Variants in SIGIRR observed in about 807,000 individuals in gnomAD.
SIGIRR encodes the protein single Ig IL-1-related receptor.
SIGIRR carries 41 observed loss-of-function variants against 45.6 expected under a neutral mutation model. The observed-to-expected ratio is 0.90, with a 90% CI of 0.70 to 1.17. SIGIRR has a LOEUF of 1.17. Ranked by LOEUF, SIGIRR falls within the 50% of genes most tolerant of loss-of-function variation. The probability of loss-of-function intolerance (pLI) is 0.00; values close to 1 mark genes in which losing one functional copy is unlikely to be tolerated. For missense variants in SIGIRR, 599 were observed against 539.6 expected, an observed-to-expected ratio of 1.11 and a Z score of -1.09; for synonymous variants, 298 against 239.0, an observed-to-expected ratio of 1.25 and a Z score of -2.28.
In SIGIRR at chr11:407,878, G is replaced by A. The variant is rs1039115731; in HGVS notation, c.420C>T (p.Val140=). Residue 140 remains valine, a synonymous_variant, in exon 5 of 10, where the codon GTC becomes GTT. Coordinates refer to ENST00000431843, the MANE Select transcript of SIGIRR (RefSeq NM_001135054.2). ...AGAGCAGCACGTTGAGACGGCACTT[G>A]ACATAGAGCAGGGCGGCCAGCAGCA... is the stretch of plus-strand genomic sequence containing the variant. ...LALLLAALLY[V]KCRLNVLLWY... is the part of the protein sequence containing the mutation. 6 of 1,612,462 alleles carry A rather than the reference G, an allele frequency of 3.7e-6. No homozygotes were observed. In the African/African-American group the frequency reaches 5.3e-5, roughly 14 times the overall value.
intron 1 of SIGIRR, among the ~76,000 whole-genome samples, chr11:413,282 G>A (rs972474922): frequency 2.0e-5 from 3 of 152,072 alleles, no homozygotes; most frequent in South Asian, 2.1e-4. Context: ...CAGTTTCCTC[G>A]GGAACCGATA....
chr11:416,714 G>A (rs1485893311), upstream of SIGIRR, among the ~76,000 whole-genome samples: 1 of 152,140 alleles, frequency 6.6e-6, no homozygotes, highest in African/African-American at 2.4e-5. This position sits in a 1 kb window ranked among gnomAD's most constrained non-coding sequence, Gnocchi z 9.1. Context: ...CAGGAACGTG[G>A]GTAAAAGGCT....
chr11:407,472 CGA>C lies in SIGIRR; in HGVS notation c.576_577del (p.Arg193GlyfsTer16). ...GTCGTCCAGGAAGAGCTTGTAGCCC[CGA>C]CGCCGCTCCAGCTGCGGCTTTAGGA... On this transcript the variant is annotated frameshift_variant, in exon 6 of 10. Coordinates refer to ENST00000431843, the MANE Select transcript of SIGIRR (RefSeq NM_001135054.2). LOFTEE classifies it high-confidence loss of function. 2 of 1,573,764 alleles carry C rather than the reference CGA, an allele frequency of 1.3e-6. No individual in the cohort carries two copies. The highest frequency in any genetic ancestry group is 1.7e-6 in the Non-Finnish European group (2 of 1,160,438).
chr11:407,508 A>G lies in SIGIRR; in HGVS notation c.542T>C (p.Val181Ala), dbSNP rs778155755. Reference protein sequence around the residue: ...YSDCPEDRKFVNFILKPQLER... With the variant: ...YSDCPEDRKFANFILKPQLER... The stretch of plus-strand genomic sequence containing the variant: ...CAGCTGCGGCTTTAGGATGAAGTTC[A>G]CGAACTTGCGGTCCTCGGGGCAGTC... Residue 181 changes from valine (V) to alanine (A), a missense_variant, in exon 6 of 10, where the codon GTG becomes GCG. Transcript: ENST00000431843. 6.8e-6 allele frequency: 11 copies of G among 1,606,634 alleles called. No individual in the cohort carries two copies. The highest frequency in any genetic ancestry group is 9.3e-6 in the Non-Finnish European group (11 of 1,177,178).
chr11:412,404 C>T (rs1210481243), intron 1 of SIGIRR, among the ~76,000 whole-genome samples: 5 of 17,610 alleles, frequency 2.8e-4, no homozygotes, highest in East Asian at 2.0e-3. Flanking sequence ...TGGATGCAGT[C>T]GGGGGGTGCC....
chr11:409,490 G>T, intron 2 of SIGIRR: 1 of 309,680 alleles, frequency 3.2e-6, no homozygotes, highest in East Asian at 5.8e-5. Context: ...GCCTGAACTT[G>T]TTCATCTTTA....
intron 5 of SIGIRR, 43 bp downstream of exon 5, chr11:407,774 G>A (rs1404643930): frequency 6.2e-7 from 1 of 1,610,006 alleles, no homozygotes; most frequent in African/African-American, 1.3e-5. Context: ...CTCTCAGGGA[G>A]GCCGTGGCGA....
At position 409,988 on chromosome 11, in the gene SIGIRR, C is replaced by T. The variant is rs554873663; in HGVS notation, c.-114G>A. 1.9e-3 allele frequency: 2,313 copies of T among 1,247,910 alleles called. 4 individuals are homozygous for T. The highest frequency in any genetic ancestry group is 2.2e-3 in the Non-Finnish European group (2,211 of 995,056). The allele number at this position is 1,247,910 out of a possible 1,614,324, so 77.3% of individuals were successfully genotyped here. A position where few individuals can be genotyped will look rare whatever the true frequency, so the allele number is the denominator to read the frequency against. ...GAGCTGGGCAGGACTCCTCTCTGTC[C>T]TTGCAGTCAGCTGGACAGGGCACCT... On this transcript the variant is annotated 5_prime_UTR_variant, in exon 2 of 10. Coordinates refer to ENST00000431843, the MANE Select transcript of SIGIRR (RefSeq NM_001135054.2).
intron 2 of SIGIRR, chr11:409,328 C>T: frequency 3.1e-6 from 1 of 325,216 alleles, no homozygotes; most frequent in East Asian, 7.6e-5. Context: ...GTGTGGGCAC[C>T]AGTGGGTTTG....
intron 3 of SIGIRR, 129 bp from the exon 4 acceptor site, chr11:408,335 A>AAGAGAAGTG: frequency 8.0e-7 from 1 of 1,253,960 alleles, no homozygotes; most frequent in East Asian, 2.4e-5. Context: ...GCCTTAAGCC[A>AAGAGAAGTG]AGAGAAGTGA....
At chr11:410,535 TGG>T (rs2133633878) in intron 1 of SIGIRR, among the ~76,000 whole-genome samples, 1 of 86,548 alleles carries the variant, frequency 1.2e-5, no homozygotes, top group Non-Finnish European at 2.2e-5. Context: ...TGGATGCAGT[TGG>T]GGTGGGGGTG....
chr11:407,753 T>G, intron 5 of SIGIRR, 64 bp downstream of exon 5: 1 of 1,604,488 alleles, frequency 6.2e-7, no homozygotes, highest in Non-Finnish European at 8.5e-7. Context: ...AAAGCCGAGC[T>G]CAGCAGCGCA....
At position 414,947 on chromosome 11, in the gene SIGIRR, C is replaced by T. The variant is rs936243891; in HGVS notation, c.-278G>A. 3.3e-6 allele frequency: 3 copies of T among 903,228 alleles called. No individual in the cohort carries two copies. In the African/African-American group the frequency reaches 5.4e-5, roughly 16 times the overall value. 56.0% of individuals were successfully genotyped at this position (903,228 alleles called of 1,614,324 possible). On this transcript the variant is annotated 5_prime_UTR_variant, in exon 1 of 10. Transcript: ENST00000431843. ...ACCAAGGCTGCTATGGATGCATCGC[C>T]AAGCGCGGTGGGGACCTGGCTTGTG...
Position 406,862 on chromosome 11 carries a change from A to G in SIGIRR, c.860T>C (p.Leu287Pro), listed in dbSNP as rs2133617515. Residue 287 changes from leucine (L) to proline (P), a missense_variant, in exon 8 of 10, where the codon CTC (leucine) becomes CCC (proline). Coordinates refer to ENST00000431843, the MANE Select transcript of SIGIRR (RefSeq NM_001135054.2). ...RQHRHLVTLL[L>P]WRPGSVTPSS... is the part of the protein sequence containing the mutation. ...CCGCACCACGGAGCCGGGCCTCCAG[A>G]GCAGCAAGGTCACCAGGTGGCGGTG... 3 of 1,572,694 alleles carry G rather than the reference A, an allele frequency of 1.9e-6. No individual in the cohort carries two copies. Among genetic ancestry groups the G allele is most frequent in the Middle Eastern group, 3.4e-4 (2 of 5,944 alleles).
Position 408,120 on chromosome 11 carries a change from C to T in SIGIRR, c.293G>A (p.Cys98Tyr). The change falls in exon 4 of 10, where the codon TGC becomes TAC. Residue 98 changes from cysteine to tyrosine, a missense_variant. Physicochemically the swap from Cys to Tyr is radical, Grantham distance 194. Transcript: ENST00000431843. Reference protein sequence around the residue: ...TSTEVYGAFTCSIQNISFSSF... With the variant: ...TSTEVYGAFTYSIQNISFSSF... The stretch of plus-strand genomic sequence containing the variant: ...GGAGAAGCTGATGTTCTGGATGGAG[C>T]AGGTGAAGGCCCCATAGACTTCAGT... 6.2e-7 allele frequency: 1 copy of T among 1,612,832 alleles called. No individual in the cohort carries two copies. Among genetic ancestry groups the T allele is most frequent in the East Asian group, 2.2e-5 (1 of 44,874 alleles).
chr11:406,592 C>A (rs1040378597), intron 8 of SIGIRR, 54 bp from the exon 9 acceptor site: 4 of 1,537,674 alleles, frequency 2.6e-6, no homozygotes, highest in South Asian at 2.5e-5. Flanking sequence ...AAGCCCCTGG[C>A]GTCCTGGCCC....
In SIGIRR at chr11:408,837, G is replaced by A. The variant is rs200870488; in HGVS notation, c.64C>T (p.Pro22Ser). The A allele has an allele frequency of 4.3e-6, 7 of 1,612,760 alleles. No individual in the cohort carries two copies. Among genetic ancestry groups the A allele is most frequent in the Non-Finnish European group, 5.1e-6 (6 of 1,179,994 alleles). The change falls in exon 3 of 10, where the codon CCT (proline) becomes TCT (serine). Residue 22 changes from proline (P) to serine (S), a missense_variant. Coordinates refer to ENST00000431843, the MANE Select transcript of SIGIRR (RefSeq NM_001135054.2). ...LSPSEDQVLR[P>S]ALGSSVALNC... ...AGAGCCACTGAGCTGCCCAAGGCAG[G>A]CCTCAGCACCTGGTCTTCAGACGGG...
intron 1 of SIGIRR, among the ~76,000 whole-genome samples, chr11:412,793 C>G (rs765609327): frequency 1.3e-5 from 2 of 152,034 alleles, no homozygotes; most frequent in African/African-American, 4.8e-5. Context: ...ACAGACACCT[C>G]GAAACACCTC....
In SIGIRR at chr11:405,860, C is replaced by T; in HGVS notation, c.*36G>A. 1 of 1,555,838 alleles carries T rather than the reference C, an allele frequency of 6.4e-7. No homozygotes were observed. Among genetic ancestry groups the T allele is most frequent in the Non-Finnish European group, 8.7e-7 (1 of 1,145,838 alleles). On this transcript the variant is annotated 3_prime_UTR_variant, in exon 10 of 10. Transcript: ENST00000431843. ...AGGAGCGACGCCGCTGCCCTGGCCC[C>T]CGCTGTCCCTATGATCCTGCACTCT...
Sources: gnomAD v4.1 joint callset for allele counts (sites outside exome capture counted in the v4.1 genomes callset) on GRCh38, gnomAD v4.1.1 for gene constraint, Gnocchi (gnomAD v3.1) non-coding constraint, MANE v1.5 for transcripts, NCBI Gene and HGNC (gene_info 2026-07-23, HGNC 2026-07-21) for gene names.